TANC2: variants seen among roughly 807,000 people sequenced by gnomAD.
The protein encoded by TANC2 is protein TANC2.
Under a neutral mutation model 210.5 loss-of-function variants are expected in TANC2, and 26 were observed. The ratio of observed to expected loss-of-function variants is 0.12; its 90% confidence interval spans 0.09 to 0.17. The LOEUF (loss-of-function observed/expected upper bound fraction) is 0.17, where lower values mean the gene tolerates loss of function less well. TANC2 is among the 10% of genes least tolerant of loss of function. The probability of loss-of-function intolerance (pLI) is 1.00; values close to 1 mark genes in which losing one functional copy is unlikely to be tolerated. For synonymous variants in TANC2, 931 were observed against 967.1 expected (o/e 0.96, Z 0.69); for missense variants, 2,129 against 2,608.9 (o/e 0.82, Z 4.01).
chr17:63,359,810 A>G (rs1220331905), intron 14 of TANC2, among the ~76,000 whole-genome samples: 1 of 152,218 alleles, frequency 6.6e-6, no homozygotes, highest in Admixed American at 6.5e-5. Context: ...CTCAAATTAA[A>G]GACAGCAAAT....
chr17:63,139,648 A>G (rs1231209889), intron 4 of TANC2, among the ~76,000 whole-genome samples: 1 of 152,086 alleles, frequency 6.6e-6, no homozygotes, highest in Non-Finnish European at 1.5e-5. Flanking sequence ...GTTCATGCCT[A>G]TAATCCCAGC....
intron 1 of TANC2, among the ~76,000 whole-genome samples, chr17:63,003,343 A>C (rs1265338535): frequency 6.6e-6 from 1 of 152,226 alleles, no homozygotes; most frequent in Non-Finnish European, 1.5e-5. Flanking sequence ...CTTTATATAC[A>C]GTAGTCCCTC....
chr17:63,113,516 T>G (rs1245265061), intron 4 of TANC2, among the ~76,000 whole-genome samples: 1 of 152,174 alleles, frequency 6.6e-6, no homozygotes, highest in Non-Finnish European at 1.5e-5. Flanking sequence ...TTTACTTATT[T>G]TTTTCTTAAG....
intron 8 of TANC2, among the ~76,000 whole-genome samples, chr17:63,240,907 C>T (rs899439943): frequency 6.6e-6 from 1 of 152,140 alleles, no homozygotes; most frequent in African/African-American, 2.4e-5. Context: ...GTGTTATGTG[C>T]AGCTATTGTG....
At chr17:63,367,718 A>C (rs1289408219) in intron 14 of TANC2, among the ~76,000 whole-genome samples, 1 of 152,182 alleles carries the variant, frequency 6.6e-6, no homozygotes. Context: ...TAACAGAAAC[A>C]AGGAGGAGTG....
At chr17:63,358,379 A>ATGTGTGTGTGTGTGTGTGTGTGTGTG (rs375498280) in intron 14 of TANC2, among the ~76,000 whole-genome samples, 9 of 139,534 alleles carry the variant, frequency 6.5e-5, no homozygotes, top group African/African-American at 1.4e-4. Flanking sequence ...GAGAGAGAGT[A>ATGTGTGTGTGTGTGTGTGTGTGTGTG]TGTGTGTGTG....
chr17:63,170,916 T>C (rs534670272), intron 5 of TANC2, among the ~76,000 whole-genome samples: 36 of 152,262 alleles, frequency 2.4e-4, no homozygotes, highest in Admixed American at 7.8e-4. Flanking sequence ...ATCATTGTTA[T>C]GGTACTACGC....
chr17:63,150,635 C>T (rs2039617278), intron 4 of TANC2: 2 of 152,082 alleles, frequency 1.3e-5, no homozygotes, highest in Admixed American at 1.3e-4. Flanking sequence ...TGCTTTAGTC[C>T]ACCAGCAGTT....
At chr17:63,289,555 T>C (rs1005961900) in intron 9 of TANC2, among the ~76,000 whole-genome samples, 2 of 152,194 alleles carry the variant, frequency 1.3e-5, no homozygotes, top group Non-Finnish European at 2.9e-5. Flanking sequence ...GGTTCTTCCT[T>C]AGGATTTCCA....
At position 63,162,695 on chromosome 17, in the gene TANC2, C is replaced by T. The variant is rs369447829; in HGVS notation, c.433+11315C>T. On this transcript the variant is annotated intron_variant, in intron 5 of 27. Transcript: ENST00000689528. ...GCAGGTAAGTAGGTAGATATGGTGA[C>T]GTGAGCTGGTAGAAAGCCTCTTCTG... 3.3e-5 allele frequency among the ~76,000 whole-genome samples: 5 copies of T among 151,912 alleles called. No individual in the cohort carries two copies. The South Asian group carries it at 8.3e-4, about 25-fold the overall frequency.
chr17:63,422,094 A>T, exon 28 of TANC2: 2 of 1,132,520 alleles, frequency 1.8e-6, no homozygotes, highest in Non-Finnish European at 2.4e-6. Context: ...CACATGCTGA[A>T]ATCCTTTGCA....
At chr17:63,207,315 A>G (rs2041751731) in intron 7 of TANC2, among the ~76,000 whole-genome samples, 1 of 141,556 alleles carries the variant, frequency 7.1e-6, no homozygotes, top group Non-Finnish European at 1.5e-5. Flanking sequence ...TCCCGGGTTC[A>G]TGCCATTCTC....
exon 20 of TANC2, chr17:63,405,248 A>T: frequency 3.2e-6 from 5 of 1,576,990 alleles, no homozygotes; most frequent in Non-Finnish European, 4.3e-6. Flanking sequence ...CGCCAGGGCC[A>T]CTGGCAGGTA....
intron 5 of TANC2, among the ~76,000 whole-genome samples, chr17:63,170,508 A>G (rs984975514): frequency 9.9e-5 from 15 of 152,048 alleles, no homozygotes; most frequent in South Asian, 2.1e-4. Flanking sequence ...AAGGTCTTCA[A>G]TTACTGAAAA....
chr17:63,013,868 A>G (rs1235030561), intron 2 of TANC2, among the ~76,000 whole-genome samples: 2 of 151,884 alleles, frequency 1.3e-5, no homozygotes. Context: ...CAGTTTTGGA[A>G]AACTATTACC....
chr17:63,009,252 T>C (rs114085813), intron 1 of TANC2, among the ~76,000 whole-genome samples: 4,386 of 152,144 alleles, frequency 0.029, 80 homozygotes, highest in South Asian at 0.037. Context: ...ACAAGTTTTC[T>C]TTTTTCTTTT....
chr17:63,409,392 C>T (rs977084140), intron 21 of TANC2, among the ~76,000 whole-genome samples: 14 of 152,084 alleles, frequency 9.2e-5, no homozygotes, highest in African/African-American at 3.1e-4. Flanking sequence ...CACCATGTTG[C>T]CCAGGCTGGT....
chr17:63,128,949 T>C (rs1049834212), intron 4 of TANC2, among the ~76,000 whole-genome samples: 2 of 152,200 alleles, frequency 1.3e-5, no homozygotes, highest in Non-Finnish European at 2.9e-5. Context: ...GAATCTTATG[T>C]TCTTCTTGGT....
chr17:63,000,230 G>C (rs1017451318), intron 1 of TANC2, among the ~76,000 whole-genome samples: 2 of 151,872 alleles, frequency 1.3e-5, no homozygotes, highest in African/African-American at 4.9e-5. Context: ...TCTACAATAA[G>C]TTAAAATAAA....
Sources: gnomAD v4.1 joint callset for allele counts (sites outside exome capture counted in the v4.1 genomes callset) on GRCh38, gnomAD v4.1.1 for gene constraint, MANE v1.5 for transcripts, NCBI Gene and HGNC (gene_info 2026-07-23, HGNC 2026-07-21) for gene names.